The following SLC7A11 variants were observed in gnomAD, a reference collection of about 807,000 sequenced individuals.
The protein encoded by SLC7A11 is solute carrier family 7 member 11, also known as cystine/glutamate transporter.
Under a neutral mutation model 54.5 loss-of-function variants are expected in SLC7A11, and 35 were observed. That is an observed-to-expected ratio of 0.64 (90% CI 0.49 to 0.85). The LOEUF is 0.85. Ranked by LOEUF, SLC7A11 falls within the 40% of genes least tolerant of loss-of-function variation. SLC7A11 has a pLI of 0.00. For missense variants in SLC7A11, 583 were observed against 618.1 expected (o/e 0.94, Z 0.60); for synonymous variants, 230 against 225.2 (o/e 1.02, Z -0.19).
intron 1 of SLC7A11, among the ~76,000 whole-genome samples, chr4:138,238,053 C>T (rs1038106598): frequency 1.6e-4 from 24 of 151,878 alleles, no homozygotes; most frequent in African/African-American, 5.6e-4. Flanking sequence ...GCGCCCGGCC[C>T]AGAATATACT....
Position 138,226,043 on chromosome 4 carries a change from A to T in SLC7A11, c.521-2719T>A, listed in dbSNP as rs1386920228. ...CTAATGTCTATTGAAATATTAAAAA[A>T]ACTGGGTATTTGGGATTTTAAAAAA... On this transcript the variant is annotated intron_variant, in intron 3 of 11. Transcript: ENST00000280612. 2.4e-4 allele frequency among the ~76,000 whole-genome samples: 36 copies of T among 152,162 alleles called. 1 individual carries two copies. Among genetic ancestry groups the T allele is most frequent in the Admixed American group, 2.2e-3 (34 of 15,274 alleles).
rs776096192 is a variant in SLC7A11, at chr4:138,171,034, A to G, written c.*922T>C. 1.4e-4 allele frequency: 21 copies of G among 152,192 alleles called. No homozygotes were observed. Among genetic ancestry groups the G allele is most frequent in the Non-Finnish European group, 2.5e-4 (17 of 68,020 alleles). 9.4% of individuals were successfully genotyped at this position (152,192 alleles called of 1,614,324 possible). ...TACAGATATGGGACTATTATTTTGA[A>G]CATCTTCTTTGTTGGTGATTTCTCT... On this transcript the variant is annotated 3_prime_UTR_variant, in exon 12 of 12. Coordinates refer to ENST00000280612, the MANE Select transcript of SLC7A11 (RefSeq NM_014331.4).
Position 138,232,264 on chromosome 4 carries a change from C to A in SLC7A11, c.520+3G>T. The stretch of plus-strand genomic sequence containing the variant: ...TTTTCACATATATAGCTATAATACT[C>A]ACTTATGCCCACAGCTGTAATGAGC... On this transcript the variant is annotated splice_donor_region_variant and intron_variant, in intron 3 of 11. Transcript: ENST00000280612. 6.5e-7 allele frequency: 1 copy of A among 1,547,146 alleles called. No individual in the cohort carries two copies. The highest frequency in any genetic ancestry group is 8.9e-7 in the Non-Finnish European group (1 of 1,119,020).
intron 11 of SLC7A11, among the ~76,000 whole-genome samples, chr4:138,172,905 G>A (rs1012013090): frequency 2.0e-5 from 3 of 152,126 alleles, no homozygotes; most frequent in Non-Finnish European, 4.4e-5. Context: ...GTGCAATGGT[G>A]CGATCTCGGC....
chr4:138,232,796 T>G (rs1738112176), intron 2 of SLC7A11, among the ~76,000 whole-genome samples: 1 of 152,350 alleles, frequency 6.6e-6, no homozygotes, highest in South Asian at 2.1e-4. Context: ...CAGGGCATAG[T>G]CAAAAGAATG....
In SLC7A11 at chr4:138,190,520, G is replaced by A. The variant is rs559255256; in HGVS notation, c.792-5276C>T. 7.9e-5 allele frequency among the ~76,000 whole-genome samples: 12 copies of A among 152,102 alleles called. No homozygotes were observed. The East Asian group carries it at 9.7e-4, about 12-fold the overall frequency. ...TCTGTAGGTCTGACCCAGAAATGACGCAAACATCTCTCACTTCTCTCTTTT... is the reference window on the plus strand; with the variant it reads ...TCTGTAGGTCTGACCCAGAAATGACACAAACATCTCTCACTTCTCTCTTTT... On this transcript the variant is annotated intron_variant, in intron 6 of 11. Coordinates refer to ENST00000280612, the MANE Select transcript of SLC7A11 (RefSeq NM_014331.4).
At chr4:138,235,527 T>C (rs1738187771) in intron 2 of SLC7A11, among the ~76,000 whole-genome samples, 1 of 152,210 alleles carries the variant, frequency 6.6e-6, no homozygotes, top group South Asian at 2.1e-4. Flanking sequence ...ATATGTTTGA[T>C]AAGTTTGATA....
rs1035459279 is a variant in SLC7A11 at position 138,171,061 on chromosome 4, A to T, written c.*895T>A. ...ATCTTCTTTGTTGGTGATTTCTCTC[A>T]TGTTGATAATGTAATTTGAAGGCTT... On this transcript the variant is annotated 3_prime_UTR_variant, in exon 12 of 12. Transcript: ENST00000280612. The T allele has an allele frequency of 1.3e-5, 2 of 152,172 alleles. No individual in the cohort carries two copies. The allele number at this position is 152,172 out of a possible 1,614,324, so 9.4% of individuals were successfully genotyped here.
intron 6 of SLC7A11, among the ~76,000 whole-genome samples, chr4:138,206,095 T>C (rs1241723666): frequency 6.6e-6 from 1 of 152,036 alleles, no homozygotes; most frequent in Admixed American, 6.6e-5. Context: ...ACATGAATTA[T>C]TGCTGTGTAA....
At chr4:138,186,374 C>T (rs1736879079) in intron 6 of SLC7A11, among the ~76,000 whole-genome samples, 1 of 152,110 alleles carries the variant, frequency 6.6e-6, no homozygotes, top group African/African-American at 2.4e-5. Context: ...CAGCCTGCCT[C>T]ACTACCCAAG....
At chr4:138,216,132 C>T (rs1162995228) in intron 5 of SLC7A11, among the ~76,000 whole-genome samples, 1 of 152,168 alleles carries the variant, frequency 6.6e-6, no homozygotes, top group Non-Finnish European at 1.5e-5. Flanking sequence ...TTCAAGGACT[C>T]TAGCGAATGC....
chr4:138,209,380 C>T (rs941538883), intron 6 of SLC7A11, among the ~76,000 whole-genome samples: 17 of 151,904 alleles, frequency 1.1e-4, no homozygotes, highest in African/African-American at 3.6e-4. Context: ...CATAATTATT[C>T]TCCCTTGTAA....
At chr4:138,204,038 C>G (rs571414302) in intron 6 of SLC7A11, among the ~76,000 whole-genome samples, 1 of 152,036 alleles carries the variant, frequency 6.6e-6, no homozygotes, top group Non-Finnish European at 1.5e-5. Flanking sequence ...ACCCGCTGCC[C>G]GAGACATCTT....
intron 6 of SLC7A11, among the ~76,000 whole-genome samples, chr4:138,197,458 C>G (rs1202026354): frequency 6.6e-6 from 1 of 151,974 alleles, no homozygotes; most frequent in Non-Finnish European, 1.5e-5. Flanking sequence ...AATTAGTTAA[C>G]ATTTTTTAAA....
At chr4:138,198,237 GATT>G (rs1457784475) in intron 6 of SLC7A11, among the ~76,000 whole-genome samples, 4 of 151,852 alleles carry the variant, frequency 2.6e-5, no homozygotes, top group South Asian at 2.1e-4. Flanking sequence ...AATAAAAAAT[GATT>G]ATTATATCTA....
chr4:138,188,013 T>C (rs2148417300), intron 6 of SLC7A11, among the ~76,000 whole-genome samples: 1 of 152,268 alleles, frequency 6.6e-6, no homozygotes, highest in South Asian at 2.1e-4. Context: ...TCTAATCTTG[T>C]TGCAATGCAC....
chr4:138,170,754 G>A lies in SLC7A11; in HGVS notation c.*1202C>T, dbSNP rs1736405739. The A allele has an allele frequency of 6.6e-6, 1 of 152,030 alleles. No homozygotes were observed. The highest frequency in any genetic ancestry group is 2.4e-5 in the African/African-American group (1 of 41,398). 9.4% of individuals were successfully genotyped at this position (152,030 alleles called of 1,614,324 possible). A position where few individuals can be genotyped will look rare whatever the true frequency, so the allele number is the denominator to read the frequency against. ...TTAAGGTGTGGAAATTACTGACAAA[G>A]CCTAGATATAGAAGTGGAAATTTTC... On this transcript the variant is annotated 3_prime_UTR_variant, in exon 12 of 12. Transcript: ENST00000280612.
At chr4:138,240,366 A>T (rs1738346566) in intron 1 of SLC7A11, among the ~76,000 whole-genome samples, 1 of 152,054 alleles carries the variant, frequency 6.6e-6, no homozygotes, top group Non-Finnish European at 1.5e-5. Context: ...GGAGATCGAG[A>T]CCATCCTGGC....
intron 11 of SLC7A11, among the ~76,000 whole-genome samples, chr4:138,173,756 T>C (rs545325427): frequency 5.3e-5 from 8 of 152,216 alleles, no homozygotes; most frequent in Admixed American, 3.9e-4. Context: ...CTCGGTAAAT[T>C]ATAAACTCTG....
Sources: allele counts gnomAD v4.1 joint callset (sites outside exome capture counted in the v4.1 genomes callset), GRCh38; gene constraint gnomAD v4.1.1; transcripts MANE v1.5; gene names NCBI Gene and HGNC (gene_info 2026-07-23, HGNC 2026-07-21).